The following CCDC73 variants were observed in gnomAD, a reference collection of about 807,000 sequenced individuals.
The protein encoded by CCDC73 is coiled-coil domain containing 73.
A neutral mutation model predicts 116.5 loss-of-function variants in CCDC73; 95 were observed. The ratio of observed to expected loss-of-function variants is 0.82; its 90% CI spans 0.69 to 0.97. The LOEUF is 0.97. CCDC73 is among the 50% of genes least tolerant of loss of function. The pLI is 0.00. For synonymous variants in CCDC73, 398 were observed against 401.3 expected, an observed-to-expected ratio of 0.99 and a Z score of 0.10; for missense variants, 1,066 against 1,206.8, an observed-to-expected ratio of 0.88 and a Z score of 1.73.
At chr11:32,720,962 C>A (rs1314548472) in intron 2 of CCDC73, among the ~76,000 whole-genome samples, 2 of 152,142 alleles carry the variant, frequency 1.3e-5, no homozygotes, top group Non-Finnish European at 2.9e-5. Flanking sequence ...TGTATATAAA[C>A]TTTAATGTAA....
chr11:32,807,366 C>G, the CCDC73 span, among the ~76,000 whole-genome samples: 1 of 152,206 alleles, frequency 6.6e-6, no homozygotes, highest in Non-Finnish European at 1.5e-5. Context: ...AGGAAAATCT[C>G]TAGACCCATG....
chr11:32,660,712 C>T (rs1352467232), intron 9 of CCDC73, among the ~76,000 whole-genome samples: 1 of 151,904 alleles, frequency 6.6e-6, no homozygotes, highest in Non-Finnish European at 1.5e-5. Flanking sequence ...GTCACAGCTA[C>T]TCAGGAGGCT....
chr11:32,692,953 G>A (rs1856274206), intron 6 of CCDC73, among the ~76,000 whole-genome samples: 1 of 152,228 alleles, frequency 6.6e-6, no homozygotes, highest in South Asian at 2.1e-4. Flanking sequence ...TAATTTAGAT[G>A]TAAGAAGGTT....
chr11:32,825,166 G>T, the CCDC73 span, among the ~76,000 whole-genome samples: 3 of 152,198 alleles, frequency 2.0e-5, no homozygotes, highest in South Asian at 4.1e-4. Context: ...AAATAACAAA[G>T]GAGAATCCTT....
intron 2 of CCDC73, among the ~76,000 whole-genome samples, chr11:32,755,480 G>A (rs1363540975): frequency 6.9e-6 from 1 of 145,010 alleles, no homozygotes; most frequent in Non-Finnish European, 1.5e-5. Context: ...GTTGCAGTGA[G>A]CTGAGATCGT....
intron 6 of CCDC73, among the ~76,000 whole-genome samples, chr11:32,698,604 T>C (rs11031940): frequency 0.58 from 88,517 of 151,916 alleles, 26,117 homozygotes; most frequent in East Asian, 0.84. Context: ...ATGTTATCTG[T>C]TTGAAATGGC....
upstream of CCDC73, among the ~76,000 whole-genome samples, chr11:32,798,916 G>A (rs1007916887): frequency 3.7e-5 from 1 of 26,866 alleles, no homozygotes; most frequent in Non-Finnish European, 8.0e-5. Context: ...TGTTTGTTTT[G>A]GGGGGGGGCG....
At chr11:32,673,872 G>A (rs573366168) in intron 9 of CCDC73, among the ~76,000 whole-genome samples, 5 of 152,302 alleles carry the variant, frequency 3.3e-5, no homozygotes, top group Admixed American at 6.5e-5. Flanking sequence ...GACCCAGAAG[G>A]TCAAGAAGAG....
chr11:32,668,111 C>T (rs949579653), intron 9 of CCDC73, among the ~76,000 whole-genome samples: 21 of 152,204 alleles, frequency 1.4e-4, no homozygotes, highest in African/African-American at 4.3e-4. Context: ...GCATCTACCA[C>T]GTGCAAGGCA....
At chr11:32,806,441 C>T in the CCDC73 span, among the ~76,000 whole-genome samples, 1,098 of 151,668 alleles carry the variant, frequency 7.2e-3, 16 homozygotes, top group African/African-American at 0.025. Flanking sequence ...CTGGGCAACA[C>T]GGTGAAACCC....
chr11:32,781,395 A>G (rs1478935214), intron 1 of CCDC73, among the ~76,000 whole-genome samples: 1 of 152,218 alleles, frequency 6.6e-6, no homozygotes, highest in Non-Finnish European at 1.5e-5. Context: ...TCTTTATTGC[A>G]CCTGAGAAAG....
intron 14 of CCDC73, among the ~76,000 whole-genome samples, chr11:32,617,751 A>G (rs1201250095): frequency 6.6e-6 from 1 of 152,250 alleles, no homozygotes; most frequent in Non-Finnish European, 1.5e-5. Context: ...GCGAGAAAAC[A>G]GGAGTAGTAG....
intron 2 of CCDC73, among the ~76,000 whole-genome samples, chr11:32,728,866 G>A (rs376899016): frequency 1.3e-5 from 2 of 152,008 alleles, no homozygotes; most frequent in African/African-American, 2.4e-5. Context: ...CACCACACTC[G>A]ACTAATTTTT....
intron 1 of CCDC73, among the ~76,000 whole-genome samples, chr11:32,763,396 C>T (rs993284947): frequency 6.6e-6 from 1 of 152,230 alleles, no homozygotes; most frequent in Non-Finnish European, 1.5e-5. Context: ...CTGAGACAAA[C>T]CTTCCAGAGG....
intron 13 of CCDC73, among the ~76,000 whole-genome samples, chr11:32,637,165 T>C (rs1308129936): frequency 3.3e-5 from 5 of 151,606 alleles, no homozygotes; most frequent in Admixed American, 3.3e-4. Context: ...GCTTACAGGC[T>C]TGCACCACCA....
intron 5 of CCDC73, 134 bp from the exon 6 acceptor site, chr11:32,699,459 GGTAAAAT>G: frequency 8.9e-7 from 1 of 1,126,490 alleles, no homozygotes; most frequent in South Asian, 2.3e-5. Context: ...TAATACAAAG[GGTAAAAT>G]ATAAGAGCTC....
At chr11:32,640,068 C>T (rs762646041) in intron 13 of CCDC73, among the ~76,000 whole-genome samples, 3 of 152,062 alleles carry the variant, frequency 2.0e-5, no homozygotes, top group Non-Finnish European at 4.4e-5. Context: ...AGCCACACTA[C>T]TATTGCCCTT....
the CCDC73 span, among the ~76,000 whole-genome samples, chr11:32,812,256 G>A: frequency 1.2e-4 from 19 of 152,170 alleles, no homozygotes; most frequent in Admixed American, 3.3e-4. Context: ...GGCTGGGTGC[G>A]GTGGCTCACG....
At chr11:32,656,282 T>G (rs111939608) in intron 9 of CCDC73, among the ~76,000 whole-genome samples, 11,829 of 151,860 alleles carry the variant, frequency 0.078, 487 homozygotes, top group Non-Finnish European at 0.091. Context: ...GGTTTCACCA[T>G]GTTAGCCAGG....
Sources: allele counts gnomAD v4.1 joint callset (sites outside exome capture counted in the v4.1 genomes callset), GRCh38; gene constraint gnomAD v4.1.1; transcripts MANE v1.5; gene names NCBI Gene and HGNC (gene_info 2026-07-23, HGNC 2026-07-21).